TNRC6C: variants seen among roughly 807,000 people sequenced by gnomAD.
TNRC6C encodes the protein trinucleotide repeat-containing gene 6C protein.
A neutral mutation model predicts 153.7 loss-of-function variants in TNRC6C; 20 were observed. The observed-to-expected ratio is 0.13, with a 90% CI of 0.09 to 0.19. The LOEUF is 0.19. TNRC6C is among the 10% of genes least tolerant of loss of function. The pLI, the probability that TNRC6C is intolerant of heterozygous loss-of-function variation, is 1.00. For synonymous variants in TNRC6C, 811 were observed against 841.4 expected, an observed-to-expected ratio of 0.96 and a Z score of 0.63; for missense variants, 1,987 against 2,172.0, an observed-to-expected ratio of 0.91 and a Z score of 1.69.
intron 11 of TNRC6C, 140 bp from the exon 14 acceptor site, chr17:78,086,357 AAAACAG>A: frequency 2.2e-6 from 1 of 452,310 alleles, no homozygotes. Context: ...AAAAAAAAAA[AAAACAG>A]TATGTGTCAG....
intron 1 of TNRC6C, among the ~76,000 whole-genome samples, chr17:78,017,951 G>T (rs1163991862): frequency 6.6e-6 from 1 of 152,170 alleles, no homozygotes; most frequent in African/African-American, 2.4e-5. Context: ...GGAGCTTTCT[G>T]AATCCCTAAA....
At chr17:78,064,491 A>G (rs1224692619) in intron 3 of TNRC6C, among the ~76,000 whole-genome samples, 1 of 152,202 alleles carries the variant, frequency 6.6e-6, no homozygotes, top group African/African-American at 2.4e-5. Flanking sequence ...CAGCCTGGGC[A>G]ACACAGCGAG....
chr17:77,991,445 T>C (rs2071248327), intron 1 of TNRC6C, among the ~76,000 whole-genome samples: 1 of 152,236 alleles, frequency 6.6e-6, no homozygotes, highest in Non-Finnish European at 1.5e-5. Context: ...TTAGAGACAT[T>C]TTCCCCAGCC....
chr17:78,028,100 G>T (rs138620988), intron 1 of TNRC6C, among the ~76,000 whole-genome samples: 18 of 151,996 alleles, frequency 1.2e-4, no homozygotes, highest in Admixed American at 1.2e-3. Context: ...GGGTTTCACC[G>T]TGTTAGTCAG....
chr17:78,047,763 C>T (rs1045856471), intron 2 of TNRC6C, among the ~76,000 whole-genome samples: 2 of 152,142 alleles, frequency 1.3e-5, no homozygotes, highest in African/African-American at 2.4e-5. Flanking sequence ...TTCTAAATCA[C>T]ATATGTGAGT....
intron 1 of TNRC6C, among the ~76,000 whole-genome samples, chr17:78,028,091 G>C (rs906433519): frequency 2.6e-5 from 4 of 151,998 alleles, no homozygotes; most frequent in Non-Finnish European, 5.9e-5. Context: ...GTAGAGACAG[G>C]GTTTCACCGT....
chr17:77,984,741 T>C (rs2071135383), intron 1 of TNRC6C, among the ~76,000 whole-genome samples: 1 of 152,190 alleles, frequency 6.6e-6, no homozygotes, highest in East Asian at 1.9e-4. Context: ...GTCTTTCTGC[T>C]ACTCTCTAGC....
In TNRC6C at chr17:78,077,350, G is replaced by A; in HGVS notation, c.3210+16G>A. 6.4e-7 allele frequency: 1 copy of A among 1,565,014 alleles called. No individual in the cohort carries two copies. Among genetic ancestry groups the A allele is most frequent in the Non-Finnish European group, 8.7e-7 (1 of 1,154,284 alleles). On this transcript the variant is annotated intron_variant, in intron 9 of 19. Transcript: ENST00000301624. Reference sequence around the variant, plus strand: ...TTCTAGACAGGTAAGGCTGTTTGGAGAGAGCAAAACATGGCCTTTGTTTTA... The same window carrying A: ...TTCTAGACAGGTAAGGCTGTTTGGAAAGAGCAAAACATGGCCTTTGTTTTA...
intron 1 of TNRC6C, among the ~76,000 whole-genome samples, chr17:77,991,764 C>CCTTA (rs1328396356): frequency 1.3e-5 from 2 of 152,182 alleles, no homozygotes; most frequent in Admixed American, 1.3e-4. Flanking sequence ...ATGAGGTCAG[C>CCTTA]CTTACTATCA....
intron 1 of TNRC6C, among the ~76,000 whole-genome samples, chr17:78,011,263 A>G (rs2071624482): frequency 6.6e-6 from 1 of 152,204 alleles, no homozygotes; most frequent in Non-Finnish European, 1.5e-5. Flanking sequence ...CACCTGTTAA[A>G]CCATCACCAT....
intron 1 of TNRC6C, among the ~76,000 whole-genome samples, chr17:77,975,016 G>GAAATT (rs58952981): frequency 0.45 from 68,880 of 151,606 alleles, 17,491 homozygotes; most frequent in African/African-American, 0.69. Context: ...ATCAAAGAAA[G>GAAATT]AAATAAGCCA....
At chr17:78,088,334 C>G (rs1389147931) in intron 13 of TNRC6C, among the ~76,000 whole-genome samples, 1 of 152,122 alleles carries the variant, frequency 6.6e-6, no homozygotes, top group African/African-American at 2.4e-5. Context: ...AACTCACCAC[C>G]AAGAGGCTCA....
chr17:78,057,241 T>C (rs972962408), intron 3 of TNRC6C, among the ~76,000 whole-genome samples: 14 of 152,272 alleles, frequency 9.2e-5, no homozygotes, highest in Admixed American at 8.5e-4. Flanking sequence ...GTGGCTACAC[T>C]GAGTATTATT....
intron 1 of TNRC6C, among the ~76,000 whole-genome samples, chr17:77,987,696 C>T (rs2071189384): frequency 6.6e-6 from 1 of 152,170 alleles, no homozygotes; most frequent in African/African-American, 2.4e-5. Context: ...TTTTTGGAGA[C>T]AGAGTCTCTC....
chr17:78,030,323 T>C (rs1045079931), intron 1 of TNRC6C, among the ~76,000 whole-genome samples: 2 of 133,452 alleles, frequency 1.5e-5, no homozygotes, highest in Non-Finnish European at 1.7e-5. Flanking sequence ...CTTGTGTGTG[T>C]GCGTGTGTGT....
At chr17:78,053,329 G>A (rs956910054) in intron 3 of TNRC6C, among the ~76,000 whole-genome samples, 22 of 152,096 alleles carry the variant, frequency 1.4e-4, no homozygotes, top group African/African-American at 5.3e-4. Context: ...AAAATGAAGG[G>A]ATTTGAAAAA....
At position 78,104,497 on chromosome 17, in the gene TNRC6C, A is replaced by C; in HGVS notation, c.4725A>C (p.Gly1575=). 2.7e-6 allele frequency: 4 copies of C among 1,506,908 alleles called. No homozygotes were observed. The highest frequency in any genetic ancestry group is 3.6e-6 in the Non-Finnish European group (4 of 1,123,366). The allele number at this position is 1,506,908 out of a possible 1,614,324, so 93.3% of individuals were successfully genotyped here. ...CTTGCTGTTGCAGGTGCGTCCTGGG[A>C]AACACTACCATCCTGGCCGAGTTCG... Residue 1575 remains glycine, a synonymous_variant, in exon 20 of 20, where the codon GGA becomes GGC. Transcript: ENST00000301624. The surrounding 1 kb of genome is among the most constrained non-coding windows in gnomAD (Gnocchi z 6.2).
exon 3 of TNRC6C, chr17:78,051,339 T>TACC (rs573114195): frequency 1.1e-4 from 173 of 1,550,372 alleles, no homozygotes; most frequent in South Asian, 4.8e-4. Context: ...CCACGACCAA[T>TACC]ACCACCACCA....
At chr17:78,019,649 T>A (rs536852134) in intron 1 of TNRC6C, among the ~76,000 whole-genome samples, 4 of 152,246 alleles carry the variant, frequency 2.6e-5, no homozygotes, top group Non-Finnish European at 5.9e-5. Flanking sequence ...GAAAGTTTTT[T>A]AAAATTATAT....
Sources: gnomAD v4.1 joint callset for allele counts (sites outside exome capture counted in the v4.1 genomes callset) on GRCh38, gnomAD v4.1.1 for gene constraint, Gnocchi (gnomAD v3.1) non-coding constraint, MANE v1.5 for transcripts, NCBI Gene and HGNC (gene_info 2026-07-23, HGNC 2026-07-21) for gene names.